The following TDRD9 variants were observed in gnomAD, a reference collection of about 807,000 sequenced individuals.
TDRD9 encodes ATP-dependent RNA helicase TDRD9.
TDRD9 carries 124 observed loss-of-function variants against 172.6 expected under a neutral mutation model. The ratio of observed to expected loss-of-function variants is 0.72; its 90% confidence interval spans 0.62 to 0.83. The LOEUF is 0.83. Ranked by LOEUF, TDRD9 falls within the 40% of genes least tolerant of loss-of-function variation. TDRD9 has a pLI of 0.00. For synonymous variants in TDRD9, 619 were observed against 617.1 expected (o/e 1.00, Z -0.05); for missense variants, 1,479 against 1,714.1 (o/e 0.86, Z 2.42).
intron 25 of TDRD9, 51 bp from the exon 26 acceptor site, chr14:104,025,513 T>C (rs2035088902): frequency 6.7e-7 from 1 of 1,503,702 alleles, no homozygotes; most frequent in African/African-American, 1.4e-5. Flanking sequence ...ATTTTCCTCC[T>C]TACAAAAGTC....
intron 32 of TDRD9, among the ~76,000 whole-genome samples, chr14:104,038,949 C>T (rs11626404): frequency 0.23 from 35,102 of 152,116 alleles, 4,861 homozygotes; most frequent in South Asian, 0.43. Flanking sequence ...GGATTACAGG[C>T]GTGAGCCACC....
chr14:103,993,312 C>CT (rs2033942883), intron 9 of TDRD9, among the ~76,000 whole-genome samples: 1 of 152,022 alleles, frequency 6.6e-6, no homozygotes, highest in Non-Finnish European at 1.5e-5. Context: ...TTTTTACCTG[C>CT]TAAACATTGC....
At chr14:104,044,440 C>T (rs181495627) in intron 34 of TDRD9, among the ~76,000 whole-genome samples, 5 of 152,304 alleles carry the variant, frequency 3.3e-5, no homozygotes, top group East Asian at 3.9e-4. Context: ...TGTTGAGGAT[C>T]GAAAGTTCCC....
chr14:104,009,722 TTTTC>T (rs1176567290), intron 20 of TDRD9, among the ~76,000 whole-genome samples: 3 of 152,082 alleles, frequency 2.0e-5, no homozygotes, highest in East Asian at 1.9e-4. Context: ...TGCAAAAATA[TTTTC>T]TTTCTTTATA....
chr14:104,006,685 T>C lies in TDRD9; in HGVS notation c.1919T>C (p.Phe640Ser). The change falls in exon 17 of 36, where the codon TTC (phenylalanine) becomes TCC (serine). Residue 640 changes from phenylalanine (F) to serine (S), a missense_variant. Physicochemically the swap from Phe to Ser is radical, Grantham distance 155. Coordinates refer to ENST00000409874, the MANE Select transcript of TDRD9 (RefSeq NM_153046.3). Reference protein sequence around the residue: ...LSLKNFFAMPFRQHLDGYRNK... With the variant: ...LSLKNFFAMPSRQHLDGYRNK... ...TTGAAGAATTTTTTTGCAATGCCTT[T>C]CCGGCAGCATCTCGATGGATATAGG... 1 of 1,614,016 alleles carries C rather than the reference T, an allele frequency of 6.2e-7. No individual in the cohort carries two copies. Among genetic ancestry groups the C allele is most frequent in the South Asian group, 1.1e-5 (1 of 91,066 alleles).
chr14:104,052,163 T>C lies in TDRD9; in HGVS notation c.*81T>C. On this transcript the variant is annotated 3_prime_UTR_variant, in exon 36 of 36. Coordinates refer to ENST00000409874, the MANE Select transcript of TDRD9 (RefSeq NM_153046.3). ...CCAGGCTCCCTCCGCAGACTGACTTTCCTCTGTGTCTGGGTGTTACAGTCT... is the reference window on the plus strand; with the variant it reads ...CCAGGCTCCCTCCGCAGACTGACTTCCCTCTGTGTCTGGGTGTTACAGTCT... 1.0e-6 allele frequency: 1 copy of C among 961,780 alleles called. No homozygotes were observed. The highest frequency in any genetic ancestry group is 1.6e-5 in the African/African-American group (1 of 61,996). The allele number at this position is 961,780 out of a possible 1,614,324, so 59.6% of individuals were successfully genotyped here. A position where few individuals can be genotyped will look rare whatever the true frequency, so the allele number is the denominator to read the frequency against.
chr14:104,018,282 A>C (rs754425862), intron 23 of TDRD9, 90 bp downstream of exon 23: 4 of 832,794 alleles, frequency 4.8e-6, no homozygotes, highest in Non-Finnish European at 5.7e-6. Flanking sequence ...CGGAGTGCCC[A>C]TGGAAATGGG....
chr14:104,012,070 C>G (rs1013675253), intron 20 of TDRD9, among the ~76,000 whole-genome samples: 23 of 152,196 alleles, frequency 1.5e-4, no homozygotes, highest in African/African-American at 4.3e-4. Context: ...TCACCTGAGC[C>G]TTGGTGTCCT....
chr14:103,993,961 C>T (rs1182005163), intron 9 of TDRD9, among the ~76,000 whole-genome samples: 1 of 152,180 alleles, frequency 6.6e-6, no homozygotes, highest in African/African-American at 2.4e-5. Context: ...AGCACATCCT[C>T]ATGACCAAAA....
Position 103,966,733 on chromosome 14 carries a change from G to A in TDRD9, c.667G>A (p.Glu223Lys). Residue 223 changes from glutamate (E) to lysine (K), a missense_variant, in exon 5 of 36, where the codon GAG becomes AAG. Physicochemically the swap from Glu to Lys is moderately conservative, Grantham distance 56 (BLOSUM62 1). Transcript: ENST00000409874. ...YQVGLEKIAT[E>K]DTRLIYMTTG... ...GGTAGGGCTAGAGAAAATAGCAACAGAGGACACCAGGCTAATTTATATGAC... is the reference window on the plus strand; with the variant it reads ...GGTAGGGCTAGAGAAAATAGCAACAAAGGACACCAGGCTAATTTATATGAC... 6.5e-7 allele frequency: 1 copy of A among 1,549,020 alleles called. No homozygotes were observed. Among genetic ancestry groups the A allele is most frequent in the East Asian group, 2.4e-5 (1 of 40,850 alleles).
intron 7 of TDRD9, among the ~76,000 whole-genome samples, chr14:103,982,070 C>T (rs2033493467): frequency 1.3e-5 from 2 of 152,166 alleles, no homozygotes; most frequent in Non-Finnish European, 2.9e-5. Flanking sequence ...GGAGAAGCCC[C>T]CTTTCTTCAT....
chr14:104,043,666 C>T (rs968104053), intron 34 of TDRD9, among the ~76,000 whole-genome samples: 2 of 152,208 alleles, frequency 1.3e-5, no homozygotes, highest in Non-Finnish European at 2.9e-5. Flanking sequence ...CCATCACTCC[C>T]TGCCCCCAAA....
At chr14:104,025,875 TA>T (rs2035101353) in intron 26 of TDRD9, 99 bp downstream of exon 26, 1 of 1,142,216 alleles carries the variant, frequency 8.8e-7, no homozygotes, top group Non-Finnish European at 1.3e-6. Flanking sequence ...GAAATTAAAA[TA>T]ATTGCAGTTA....
In TDRD9 at chr14:103,966,742, A is replaced by G. The variant is rs1356227593; in HGVS notation, c.676A>G (p.Arg226Gly). ...AGAGAAAATAGCAACAGAGGACACC[A>G]GGCTAATTTATATGACAACTGGAGT... is the stretch of plus-strand genomic sequence containing the variant. ...GLEKIATEDT[R>G]LIYMTTGVLL... is the part of the protein sequence containing the mutation. Residue 226 changes from arginine to glycine, a missense_variant, in exon 5 of 36, where the codon AGG becomes GGG. Physicochemically the swap from Arg to Gly is moderately radical, Grantham distance 125. Transcript: ENST00000409874. 48 of 1,550,452 alleles carry G rather than the reference A, an allele frequency of 3.1e-5. 2 individuals are homozygous for G. The South Asian group carries it at 5.5e-4, about 18-fold the overall frequency.
At chr14:104,005,146 CTCTCCATTTTTCTT>C in intron 14 of TDRD9, 114 bp from the exon 15 acceptor site, 1 of 820,938 alleles carries the variant, frequency 1.2e-6, no homozygotes, top group East Asian at 2.7e-5. Flanking sequence ...TCCCTCAATC[CTCTCCATTTTTCTT>C]TCTTCTCTCC....
At position 104,022,466 on chromosome 14, in the gene TDRD9, G is replaced by A. The variant is rs138766467; in HGVS notation, c.2606+136G>A. 6.3e-4 allele frequency: 574 copies of A among 905,684 alleles called. 1 individual carries two copies. The African/African-American group carries it at 6.6e-3, about 10-fold the overall frequency. 56.1% of individuals were successfully genotyped at this position (905,684 alleles called of 1,614,324 possible). A position where few individuals can be genotyped will look rare whatever the true frequency, so the allele number is the denominator to read the frequency against. ...GGCTTGGCTGGGTGTGGGGGCTCAC[G>A]CCACTCATCCAGCACTTTGCGAGGC... On this transcript the variant is annotated intron_variant, in intron 24 of 35. Transcript: ENST00000409874.
intron 3 of TDRD9, among the ~76,000 whole-genome samples, chr14:103,963,781 T>C (rs1418149672): frequency 6.6e-6 from 1 of 152,144 alleles, no homozygotes; most frequent in East Asian, 1.9e-4. Flanking sequence ...GTTTCAAATT[T>C]AATTTTTACT....
chr14:103,998,619 G>A lies in TDRD9; in HGVS notation c.1379-5G>A. 1 of 1,504,986 alleles carries A rather than the reference G, an allele frequency of 6.6e-7. No individual in the cohort carries two copies. Among genetic ancestry groups the A allele is most frequent in the Non-Finnish European group, 9.2e-7 (1 of 1,084,526 alleles). The allele number at this position is 1,504,986 out of a possible 1,614,324, so 93.2% of individuals were successfully genotyped here. ...GTGTTTACAGTCCTTTTTTTTAAAT[G>A]GCAGTTATAGATTTTTGTTTGACTA... On this transcript the variant is annotated splice_region_variant and splice_polypyrimidine_tract_variant and intron_variant, in intron 12 of 35. Coordinates refer to ENST00000409874, the MANE Select transcript of TDRD9 (RefSeq NM_153046.3).
intron 20 of TDRD9, among the ~76,000 whole-genome samples, chr14:104,014,216 A>G (rs1398784795): frequency 7.6e-6 from 1 of 130,764 alleles, no homozygotes; most frequent in Non-Finnish European, 1.6e-5. Flanking sequence ...CCTGGACAAC[A>G]GAGCGAGACT....
Sources: gnomAD v4.1 joint callset for allele counts (sites outside exome capture counted in the v4.1 genomes callset) on GRCh38, gnomAD v4.1.1 for gene constraint, MANE v1.5 for transcripts, NCBI Gene and HGNC (gene_info 2026-07-23, HGNC 2026-07-21) for gene names.